The following PDZRN4 variants were observed in gnomAD, a reference collection of about 807,000 sequenced individuals.
The protein encoded by PDZRN4 is PDZ domain-containing RING finger protein 4.
Under a neutral mutation model 99.0 loss-of-function variants are expected in PDZRN4, and 70 were observed. That is an observed-to-expected ratio of 0.71 (90% CI 0.58 to 0.86). The LOEUF (loss-of-function observed/expected upper bound fraction) is 0.86. PDZRN4 is among the 40% of genes least tolerant of loss of function. PDZRN4 has a pLI of 0.00. For missense variants in PDZRN4, 1,474 were observed against 1,331.2 expected (o/e 1.11, Z -1.67); for synonymous variants, 551 against 501.6 (o/e 1.10, Z -1.32).
chr12:41,200,342 G>T (rs1481636764), intron 3 of PDZRN4, among the ~76,000 whole-genome samples: 1 of 152,100 alleles, frequency 6.6e-6, no homozygotes, highest in African/African-American at 2.4e-5. Flanking sequence ...TTCCAACTAG[G>T]TGGTCATCGT....
At chr12:41,521,243 G>A (rs1938487560) in intron 5 of PDZRN4, among the ~76,000 whole-genome samples, 1 of 152,066 alleles carries the variant, frequency 6.6e-6, no homozygotes, top group East Asian at 1.9e-4. Context: ...AGTTAAATCT[G>A]ATACTTTTTC....
At chr12:41,391,552 T>A (rs1432050274) in intron 3 of PDZRN4, among the ~76,000 whole-genome samples, 1 of 152,184 alleles carries the variant, frequency 6.6e-6, no homozygotes, top group Non-Finnish European at 1.5e-5. Flanking sequence ...TTACTGAGGC[T>A]CGTGTCAAGG....
At chr12:41,216,120 T>A (rs1399243413) in intron 3 of PDZRN4, among the ~76,000 whole-genome samples, 5 of 152,004 alleles carry the variant, frequency 3.3e-5, no homozygotes, top group African/African-American at 9.7e-5. Flanking sequence ...AAATTTTAAC[T>A]AATAGGTGAC....
At chr12:41,549,313 G>C (rs1939014440) in intron 5 of PDZRN4, among the ~76,000 whole-genome samples, 1 of 152,172 alleles carries the variant, frequency 6.6e-6, no homozygotes, top group African/African-American at 2.4e-5. Flanking sequence ...TGTGTGTCCT[G>C]TGAAGGGAAT....
intron 3 of PDZRN4, among the ~76,000 whole-genome samples, chr12:41,454,511 G>T (rs1178666879): frequency 6.6e-6 from 1 of 152,252 alleles, no homozygotes; most frequent in African/African-American, 2.4e-5. Flanking sequence ...ACTTTGGTCT[G>T]TATTCCCTTG....
intron 3 of PDZRN4, among the ~76,000 whole-genome samples, chr12:41,238,639 G>A (rs1951083201): frequency 6.6e-6 from 1 of 151,910 alleles, no homozygotes; most frequent in South Asian, 2.1e-4. Context: ...CAACATCACT[G>A]ATCATTAGAG....
intron 3 of PDZRN4, among the ~76,000 whole-genome samples, chr12:41,273,792 T>A (rs1279282793): frequency 6.6e-6 from 1 of 152,128 alleles, no homozygotes; most frequent in Non-Finnish European, 1.5e-5. Context: ...AAACATGTCT[T>A]ATTATAGTAG....
At position 41,272,186 on chromosome 12, in the gene PDZRN4, A is replaced by G. The variant is rs374261509; in HGVS notation, c.843+77998A>G. Among the ~76,000 whole-genome samples, 27 of 152,152 alleles carry G rather than the reference A, an allele frequency of 1.8e-4. No homozygotes were observed. In the East Asian group the frequency reaches 2.7e-3, roughly 15 times the overall value. ...AATTACTTACTTTTTTCCCTCCACT[A>G]ATATTTACTTTAAGAACATAAAATT... On this transcript the variant is annotated intron_variant, in intron 3 of 9. Coordinates refer to ENST00000402685, the MANE Select transcript of PDZRN4 (RefSeq NM_001164595.2).
At position 41,208,371 on chromosome 12, in the gene PDZRN4, T is replaced by C. The variant is rs115109432; in HGVS notation, c.843+14183T>C. ...TTCAGGTGGTTTTCTATATGAAATG[T>C]TTTCACTAAAGAAATCTTCATCTTC... is the stretch of plus-strand genomic sequence containing the variant. On this transcript the variant is annotated intron_variant, in intron 3 of 9. Coordinates refer to ENST00000402685, the MANE Select transcript of PDZRN4 (RefSeq NM_001164595.2). 6.8e-3 allele frequency among the ~76,000 whole-genome samples: 1,035 copies of C among 152,096 alleles called. 7 individuals are homozygous for C. Among genetic ancestry groups the C allele is most frequent in the African/African-American group, 0.024 (999 of 41,556 alleles).
rs574023051 is a variant in PDZRN4 at position 41,467,245 on chromosome 12, G to GA, written c.844-39204dup. On this transcript the variant is annotated intron_variant, in intron 3 of 9. Transcript: ENST00000402685. Reference sequence around the variant, plus strand: ...CAACTCAGTACATGGTAATAGCATAGAAAAAAATTGGCCCAGAAAAAAATT... The same window carrying GA: ...CAACTCAGTACATGGTAATAGCATAGAAAAAAAATTGGCCCAGAAAAAAATT... 3.6e-3 allele frequency among the ~76,000 whole-genome samples: 551 copies of GA among 152,186 alleles called. 1 individual carries two copies. Among genetic ancestry groups the GA allele is most frequent in the African/African-American group, 0.013 (520 of 41,526 alleles).
rs551875438 is a variant in PDZRN4, at chr12:41,267,407, G to GA, written c.843+73227dup. Among the ~76,000 whole-genome samples the GA allele has an allele frequency of 2.6e-4, 40 of 151,020 alleles. No individual in the cohort carries two copies. The South Asian group carries it at 5.7e-3, about 21-fold the overall frequency. On this transcript the variant is annotated intron_variant, in intron 3 of 9. Coordinates refer to ENST00000402685, the MANE Select transcript of PDZRN4 (RefSeq NM_001164595.2). ...GCCATTCCTATATCTGGAAGAAGAA[G>GA]AAAAAAAAGACAAAGGTAAGAATAT...
At chr12:41,289,742 G>T (rs1951445106) in intron 3 of PDZRN4, among the ~76,000 whole-genome samples, 2 of 152,182 alleles carry the variant, frequency 1.3e-5, no homozygotes, top group African/African-American at 4.8e-5. Flanking sequence ...AGAGATTGCT[G>T]CAGTCCAATA....
intron 3 of PDZRN4, among the ~76,000 whole-genome samples, chr12:41,290,835 T>G (rs12297169): frequency 0.13 from 20,118 of 152,048 alleles, 1,742 homozygotes; most frequent in African/African-American, 0.25. Flanking sequence ...CCTTTAGAAG[T>G]TTCAAATTTT....
chr12:41,467,196 G>A (rs918785022), intron 3 of PDZRN4, among the ~76,000 whole-genome samples: 2 of 152,220 alleles, frequency 1.3e-5, no homozygotes, highest in African/African-American at 4.8e-5. Context: ...TAGACACAGT[G>A]AGAGTTTGGT....
chr12:41,538,975 A>T (rs899522363), intron 5 of PDZRN4, among the ~76,000 whole-genome samples: 4 of 152,080 alleles, frequency 2.6e-5, no homozygotes, highest in African/African-American at 9.7e-5. Flanking sequence ...TGATAACACA[A>T]TGTCACTGTT....
At chr12:41,566,031 A>G (rs1331664146) in intron 8 of PDZRN4, among the ~76,000 whole-genome samples, 1 of 152,198 alleles carries the variant, frequency 6.6e-6, no homozygotes, top group African/African-American at 2.4e-5. Context: ...AGGAGAGAAG[A>G]AGGAAGTGAG....
At chr12:41,485,271 T>C (rs1937752410) in intron 3 of PDZRN4, among the ~76,000 whole-genome samples, 1 of 152,172 alleles carries the variant, frequency 6.6e-6, no homozygotes. Context: ...AGGCTATCCC[T>C]GGGCAGGCAA....
chr12:41,458,637 G>A (rs1026632554), intron 3 of PDZRN4, among the ~76,000 whole-genome samples: 8 of 152,154 alleles, frequency 5.3e-5, no homozygotes, highest in Non-Finnish European at 8.8e-5. Context: ...AGCTTTGCAC[G>A]GCTAAATTCT....
At chr12:41,398,735 C>A (rs1224426660) in intron 3 of PDZRN4, among the ~76,000 whole-genome samples, 1 of 152,080 alleles carries the variant, frequency 6.6e-6, no homozygotes, top group Non-Finnish European at 1.5e-5. Flanking sequence ...TTCAAAGATA[C>A]AGCTTTCTCT....
Sources: allele counts gnomAD v4.1 joint callset (sites outside exome capture counted in the v4.1 genomes callset), GRCh38; gene constraint gnomAD v4.1.1; transcripts MANE v1.5; gene names NCBI Gene and HGNC (gene_info 2026-07-23, HGNC 2026-07-21).